The following ARHGAP44 variants were observed in gnomAD, a reference collection of about 807,000 sequenced individuals.
The protein encoded by ARHGAP44 is Rho GTPase activating protein 44, also known as rho GTPase-activating protein 44.
ARHGAP44 carries 43 observed loss-of-function variants against 106.8 expected under a neutral mutation model. The ratio of observed to expected loss-of-function variants is 0.40; its 90% CI spans 0.32 to 0.52. The LOEUF (loss-of-function observed/expected upper bound fraction) is 0.52, where lower values mean the gene tolerates loss of function less well. Among genes scored for constraint, ARHGAP44 ranks in the 20% least tolerant of loss-of-function variants. ARHGAP44 has a pLI of 0.48. For synonymous variants in ARHGAP44, 439 were observed against 410.3 expected (o/e 1.07, Z -0.85); for missense variants, 866 against 1,050.5 (o/e 0.82, Z 2.43).
rs112496246 is a variant in ARHGAP44 at position 12,813,907 on chromosome 17, G to C, written c.53+24016G>C. On this transcript the variant is annotated intron_variant, in intron 1 of 20. Coordinates refer to ENST00000379672, the MANE Select transcript of ARHGAP44 (RefSeq NM_014859.6). ...GAACTGGGACACACGTAGTCCAACT[G>C]TCTGCCGTCGTGACTCATTGCCCCC... Among the ~76,000 whole-genome samples, 442 of 152,254 alleles carry C rather than the reference G, an allele frequency of 2.9e-3. 4 individuals are homozygous for C. Among genetic ancestry groups the C allele is most frequent in the African/African-American group, 0.01 (421 of 41,544 alleles).
chr17:12,810,837 C>G (rs1266849880), intron 1 of ARHGAP44, among the ~76,000 whole-genome samples: 1 of 152,088 alleles, frequency 6.6e-6, no homozygotes, highest in African/African-American at 2.4e-5. Context: ...GAGACCAACC[C>G]CTTGTGCAGT....
At chr17:12,929,183 A>G in intron 7 of ARHGAP44, 137 bp downstream of exon 7, 2 of 722,996 alleles carry the variant, frequency 2.8e-6, no homozygotes, top group Non-Finnish European at 4.6e-6. Flanking sequence ...CCCGCCGGCT[A>G]GCATCTCCAA....
chr17:12,818,212 A>G (rs983524245), intron 1 of ARHGAP44, among the ~76,000 whole-genome samples: 1 of 151,812 alleles, frequency 6.6e-6, no homozygotes, highest in African/African-American at 2.4e-5. Context: ...GTAATTTCTC[A>G]TTTTAAATGA....
chr17:12,827,991 C>G lies in ARHGAP44; in HGVS notation c.53+38100C>G, dbSNP rs78473499. ...GAGGTGGAGGTTGCAGAGCTGAGATCGTGCCACTGCTCTCCAGCCTGGGTG... is the reference window on the plus strand; with the variant it reads ...GAGGTGGAGGTTGCAGAGCTGAGATGGTGCCACTGCTCTCCAGCCTGGGTG... On this transcript the variant is annotated intron_variant, in intron 1 of 20. Transcript: ENST00000379672. Among the ~76,000 whole-genome samples the G allele has an allele frequency of 5.3e-3, 718 of 135,470 alleles. 24 individuals are homozygous for G. The East Asian group carries it at 0.076, about 14-fold the overall frequency. 88.9% of individuals were successfully genotyped at this position (135,470 alleles called of 152,430 possible).
At chr17:12,960,158 G>A (rs1044801974) in intron 16 of ARHGAP44, among the ~76,000 whole-genome samples, 1 of 152,138 alleles carries the variant, frequency 6.6e-6, no homozygotes, top group Non-Finnish European at 1.5e-5. Flanking sequence ...GGAGTTGTTT[G>A]TGTGCGCTAT....
intron 1 of ARHGAP44, among the ~76,000 whole-genome samples, chr17:12,837,960 C>G (rs1355636241): frequency 6.6e-6 from 1 of 152,140 alleles, no homozygotes; most frequent in Non-Finnish European, 1.5e-5. Flanking sequence ...CATCCTCCCT[C>G]TCATGGACCC....
At chr17:12,910,030 A>C (rs1598038361) in intron 4 of ARHGAP44, among the ~76,000 whole-genome samples, 1 of 152,334 alleles carries the variant, frequency 6.6e-6, no homozygotes, top group East Asian at 1.9e-4. Flanking sequence ...ATAATGGAGT[A>C]ATATCTTCAA....
chr17:12,796,084 C>G (rs1177707197), intron 1 of ARHGAP44, among the ~76,000 whole-genome samples: 2 of 152,020 alleles, frequency 1.3e-5, no homozygotes, highest in Non-Finnish European at 1.5e-5. Flanking sequence ...AATCTCATTA[C>G]CCAGAGACCA....
intron 1 of ARHGAP44, among the ~76,000 whole-genome samples, chr17:12,827,089 T>A (rs2150805819): frequency 6.6e-6 from 1 of 152,326 alleles, no homozygotes; most frequent in Middle Eastern, 3.4e-3. Context: ...TAATTTTACT[T>A]CTCAGGCCAT....
intron 1 of ARHGAP44, among the ~76,000 whole-genome samples, chr17:12,880,782 A>G (rs747812159): frequency 1.1e-4 from 16 of 152,126 alleles, no homozygotes; most frequent in Non-Finnish European, 1.8e-4. Context: ...AAGGTGTTTC[A>G]TGTGGGTACT....
chr17:12,932,386 A>G lies in ARHGAP44; in HGVS notation c.582+3340A>G, dbSNP rs545422742. ...GGCCCAGTATTTCTATTGCTTTTCT[A>G]AAATATCAATTTATAAAAATTATCT... On this transcript the variant is annotated intron_variant, in intron 7 of 20. Coordinates refer to ENST00000379672, the MANE Select transcript of ARHGAP44 (RefSeq NM_014859.6). 5.3e-5 allele frequency among the ~76,000 whole-genome samples: 8 copies of G among 152,322 alleles called. No homozygotes were observed. The East Asian group carries it at 1.5e-3, about 29-fold the overall frequency.
intron 16 of ARHGAP44, among the ~76,000 whole-genome samples, chr17:12,962,550 T>C (rs73978290): frequency 0.026 from 3,962 of 152,194 alleles, 159 homozygotes; most frequent in African/African-American, 0.086. Context: ...CTACATGACA[T>C]CATGTGCATC....
intron 19 of ARHGAP44, among the ~76,000 whole-genome samples, chr17:12,983,499 G>A (rs1050844652): frequency 1.3e-5 from 2 of 152,120 alleles, no homozygotes; most frequent in African/African-American, 4.8e-5. Context: ...GGGCAATAAT[G>A]TACTTTGAAA....
chr17:12,965,343 C>T (rs10521204), intron 16 of ARHGAP44, among the ~76,000 whole-genome samples: 65 of 152,206 alleles, frequency 4.3e-4, no homozygotes, highest in Admixed American at 1.0e-3. Flanking sequence ...GACAGCAACC[C>T]GAATGGTCTA....
At chr17:12,875,311 G>A (rs539115431) in intron 1 of ARHGAP44, among the ~76,000 whole-genome samples, 2 of 152,286 alleles carry the variant, frequency 1.3e-5, no homozygotes, top group East Asian at 3.9e-4. Context: ...AAAAATTGGG[G>A]TCTGGGCGTG....
chr17:12,869,363 C>T (rs1234180820), intron 1 of ARHGAP44, among the ~76,000 whole-genome samples: 1 of 151,984 alleles, frequency 6.6e-6, no homozygotes, highest in Non-Finnish European at 1.5e-5. Context: ...CTATCTATAA[C>T]TTGGTTTGTT....
chr17:12,855,949 A>C (rs1597948641), intron 1 of ARHGAP44, among the ~76,000 whole-genome samples: 1 of 152,350 alleles, frequency 6.6e-6, no homozygotes, highest in East Asian at 1.9e-4. Context: ...CCTGGATTGC[A>C]AAAGGCAAAA....
chr17:12,833,880 G>A (rs1373570634), intron 1 of ARHGAP44, among the ~76,000 whole-genome samples: 3 of 152,130 alleles, frequency 2.0e-5, no homozygotes, highest in Non-Finnish European at 4.4e-5. Flanking sequence ...AATGTAAGGG[G>A]TTGTGGAGAC....
At chr17:12,808,183 C>T (rs112232902) in intron 1 of ARHGAP44, among the ~76,000 whole-genome samples, 2,398 of 152,362 alleles carry the variant, frequency 0.016, 30 homozygotes, top group Non-Finnish European at 0.025. Flanking sequence ...AGTCCCACTT[C>T]TGGCTGCTTT....
Sources: gnomAD v4.1 joint callset for allele counts (sites outside exome capture counted in the v4.1 genomes callset) on GRCh38, gnomAD v4.1.1 for gene constraint, MANE v1.5 for transcripts, NCBI Gene and HGNC (gene_info 2026-07-23, HGNC 2026-07-21) for gene names.